The following HS6ST3 variants were observed in gnomAD, a reference collection of about 807,000 sequenced individuals.
HS6ST3 encodes the protein heparan-sulfate 6-O-sulfotransferase 3.
HS6ST3 carries 12 observed loss-of-function variants against 36.7 expected under a neutral mutation model. The ratio of observed to expected loss-of-function variants is 0.33; its 90% CI spans 0.21 to 0.53. HS6ST3 has a LOEUF of 0.53. Among genes scored for constraint, HS6ST3 ranks in the 20% least tolerant of loss-of-function variants. The pLI is 0.95. For synonymous variants in HS6ST3, 240 were observed against 257.5 expected (o/e 0.93, Z 0.65); for missense variants, 584 against 640.9 (o/e 0.91, Z 0.96).
intron 1 of HS6ST3, among the ~76,000 whole-genome samples, chr13:96,744,294 A>G (rs777716982): frequency 1.3e-5 from 2 of 152,090 alleles, no homozygotes; most frequent in Non-Finnish European, 2.9e-5. Context: ...TTTTAAAGCC[A>G]AACTTCTAGA....
At position 96,281,585 on chromosome 13, in the gene HS6ST3, C is replaced by G. The variant is rs145312662; in HGVS notation, c.707+190016C>G. On this transcript the variant is annotated intron_variant, in intron 1 of 1. Transcript: ENST00000376705. ...GGCTTTAAAAATAGCCATACTGTCA[C>G]CAGTCTGAAGTGGTTAACTTGCCTG... Among the ~76,000 whole-genome samples, 596 of 152,236 alleles carry G rather than the reference C, an allele frequency of 3.9e-3. 11 individuals carry two copies. Among genetic ancestry groups the G allele is most frequent in the East Asian group, 0.037 (193 of 5,174 alleles).
chr13:96,112,578 A>AATATACATATATATATAC lies in HS6ST3; in HGVS notation c.707+21014_707+21015insCATATATATATACATATA, dbSNP rs397773858. Among the ~76,000 whole-genome samples the AATATACATATATATATAC allele has an allele frequency of 2.0e-3, 165 of 81,230 alleles. 10 individuals carry two copies. Among genetic ancestry groups the AATATACATATATATATAC allele is most frequent in the African/African-American group, 7.7e-3 (159 of 20,536 alleles). 53.3% of individuals were successfully genotyped at this position (81,230 alleles called of 152,430 possible). ...TAAAACCCCATCTCTAAAATAAATA[A>AATATACATATATATATAC]ATATATATATATATATATATATATA... On this transcript the variant is annotated intron_variant, in intron 1 of 1. Coordinates refer to ENST00000376705, the MANE Select transcript of HS6ST3 (RefSeq NM_153456.4).
At chr13:96,707,689 C>T (rs915436146) in intron 1 of HS6ST3, among the ~76,000 whole-genome samples, 3 of 152,124 alleles carry the variant, frequency 2.0e-5, no homozygotes, top group Admixed American at 1.3e-4. Flanking sequence ...AGTCAGGCAC[C>T]TTTGACATTT....
chr13:96,565,106 A>G (rs1423606970), intron 1 of HS6ST3, among the ~76,000 whole-genome samples: 1 of 151,958 alleles, frequency 6.6e-6, no homozygotes, highest in Non-Finnish European at 1.5e-5. Flanking sequence ...ACACACATTT[A>G]TCTCTCTCCC....
intron 1 of HS6ST3, among the ~76,000 whole-genome samples, chr13:96,622,858 A>G (rs184659108): frequency 6.6e-6 from 1 of 152,128 alleles, no homozygotes; most frequent in Admixed American, 6.5e-5. Context: ...TAGCTGTTTA[A>G]TGTGTCTCTT....
At chr13:96,626,199 T>G (rs972762949) in intron 1 of HS6ST3, among the ~76,000 whole-genome samples, 8 of 152,216 alleles carry the variant, frequency 5.3e-5, no homozygotes, top group Non-Finnish European at 1.2e-4. Context: ...TTCTTTTATA[T>G]TTTGCTATTT....
At chr13:96,091,649 C>G in intron 1 of HS6ST3, 80 bp downstream of exon 1, 1 of 1,446,988 alleles carries the variant, frequency 6.9e-7, no homozygotes, top group Non-Finnish European at 9.1e-7. Context: ...AGCGACCCCG[C>G]GCTCCCTGCC....
intron 1 of HS6ST3, among the ~76,000 whole-genome samples, chr13:96,249,238 A>G (rs554206763): frequency 6.6e-6 from 1 of 152,334 alleles, no homozygotes; most frequent in South Asian, 2.1e-4. Flanking sequence ...ATAACATAGT[A>G]GGGAGGAAAT....
At chr13:96,659,939 G>A (rs914185970) in intron 1 of HS6ST3, among the ~76,000 whole-genome samples, 24 of 152,018 alleles carry the variant, frequency 1.6e-4, no homozygotes, top group Admixed American at 1.3e-3. Flanking sequence ...ATATTTTCAT[G>A]ACAATAAACA....
chr13:96,573,628 T>C, intron 1 of HS6ST3: 2 of 250,376 alleles, frequency 8.0e-6, no homozygotes, highest in South Asian at 4.2e-5. Flanking sequence ...CCAATCAGGA[T>C]AGGAAAAATA....
At chr13:96,539,323 C>T (rs181115635) in intron 1 of HS6ST3, among the ~76,000 whole-genome samples, 30 of 152,138 alleles carry the variant, frequency 2.0e-4, no homozygotes, top group African/African-American at 6.7e-4. Context: ...AAATTTAACC[C>T]AACGAAAGCA....
intron 1 of HS6ST3, among the ~76,000 whole-genome samples, chr13:96,351,067 T>A (rs952277519): frequency 1.3e-5 from 2 of 152,150 alleles, no homozygotes; most frequent in African/African-American, 4.8e-5. Context: ...TTTATCTATT[T>A]CTGTAGTTCT....
At chr13:96,322,462 T>A (rs2055009149) in intron 1 of HS6ST3, among the ~76,000 whole-genome samples, 2 of 149,434 alleles carry the variant, frequency 1.3e-5, no homozygotes, top group South Asian at 4.2e-4. Flanking sequence ...GAGGCTGAGG[T>A]GGGAGGATGG....
At chr13:96,266,414 TGG>T (rs2054692682) in intron 1 of HS6ST3, among the ~76,000 whole-genome samples, 1 of 152,324 alleles carries the variant, frequency 6.6e-6, no homozygotes, top group Non-Finnish European at 1.5e-5. Flanking sequence ...GACAGAGGTC[TGG>T]GCTGAAGGAC....
chr13:96,654,333 T>C (rs1313142997), intron 1 of HS6ST3, among the ~76,000 whole-genome samples: 1 of 152,250 alleles, frequency 6.6e-6, no homozygotes, highest in Non-Finnish European at 1.5e-5. Flanking sequence ...AGGGTTTTTA[T>C]GGTTTTAGGT....
At chr13:96,202,661 C>A (rs145759313) in intron 1 of HS6ST3, among the ~76,000 whole-genome samples, 1 of 152,202 alleles carries the variant, frequency 6.6e-6, no homozygotes, top group Non-Finnish European at 1.5e-5. Context: ...TCTCCATCAT[C>A]TTGACCATCC....
intron 1 of HS6ST3, among the ~76,000 whole-genome samples, chr13:96,684,642 T>C (rs548464637): frequency 6.6e-6 from 1 of 152,222 alleles, no homozygotes; most frequent in African/African-American, 2.4e-5. Context: ...ATGACTGGGA[T>C]CTGAAGTATT....
chr13:96,201,299 C>T (rs1381301563), intron 1 of HS6ST3, among the ~76,000 whole-genome samples: 1 of 152,130 alleles, frequency 6.6e-6, no homozygotes, highest in South Asian at 2.1e-4. Context: ...CAATTAGCTT[C>T]CATTTCAAAT....
At chr13:96,263,788 C>T (rs1197483986) in intron 1 of HS6ST3, among the ~76,000 whole-genome samples, 1 of 152,240 alleles carries the variant, frequency 6.6e-6, no homozygotes, top group Admixed American at 6.5e-5. Flanking sequence ...AAGAACAGAG[C>T]AGCCACTGAC....
Sources: allele counts gnomAD v4.1 joint callset (sites outside exome capture counted in the v4.1 genomes callset), GRCh38; gene constraint gnomAD v4.1.1; transcripts MANE v1.5; gene names NCBI Gene and HGNC (gene_info 2026-07-23, HGNC 2026-07-21).